Variants in ADAMTS19 observed in about 807,000 individuals in gnomAD.
The protein encoded by ADAMTS19 is ADAM metallopeptidase with thrombospondin type 1 motif 19.
In ADAMTS19, 93 loss-of-function variants were observed where a neutral mutation model predicts 153.3. That is an observed-to-expected ratio of 0.61 (90% CI 0.51 to 0.72). The LOEUF is 0.72. Among genes scored for constraint, ADAMTS19 ranks in the 30% least tolerant of loss-of-function variants. The pLI is 0.00. For synonymous variants in ADAMTS19, 600 were observed against 556.6 expected, an observed-to-expected ratio of 1.08 and a Z score of -1.10; for missense variants, 1,482 against 1,552.1, an observed-to-expected ratio of 0.95 and a Z score of 0.76.
At chr5:129,545,212 T>C (rs1352758454) in intron 6 of ADAMTS19, among the ~76,000 whole-genome samples, 3 of 152,176 alleles carry the variant, frequency 2.0e-5, no homozygotes, top group African/African-American at 7.2e-5. Flanking sequence ...AACAGTTGAT[T>C]TGAAAACTGA....
At chr5:129,679,647 A>G in intron 16 of ADAMTS19, 117 bp from the exon 17 acceptor site, 1 of 921,914 alleles carries the variant, frequency 1.1e-6, no homozygotes, top group African/African-American at 1.7e-5. Flanking sequence ...ACATCAGGGA[A>G]TGTTGATCCA....
At chr5:129,642,946 G>C (rs572783499) in intron 11 of ADAMTS19, among the ~76,000 whole-genome samples, 71 of 152,204 alleles carry the variant, frequency 4.7e-4, no homozygotes, top group African/African-American at 1.7e-3. Context: ...GATGCAGTTT[G>C]TAATGGTGAG....
At chr5:129,658,786 G>C in intron 15 of ADAMTS19, 49 bp downstream of exon 15, 1 of 1,532,046 alleles carries the variant, frequency 6.5e-7, no homozygotes, top group Non-Finnish European at 8.8e-7. Context: ...CAATCTTTGG[G>C]AACACAGATT....
rs1752067444 is a variant in ADAMTS19, at chr5:129,527,775, C to T, written c.1114C>T (p.Leu372=). 6.3e-7 allele frequency: 1 copy of T among 1,593,248 alleles called. No individual in the cohort carries two copies. Among genetic ancestry groups the T allele is most frequent in the Non-Finnish European group, 8.6e-7 (1 of 1,164,824 alleles). ...MVFNLFQHKS[L]SVQVNLRVIK... ...ATTTAACCTTTTCCAACACAAGAGT[C>T]TGAGTGTGCAGGTCAATCTTCGTGT... The change falls in exon 5 of 23, where the codon CTG becomes TTG. Residue 372 remains leucine (L), a synonymous_variant. Transcript: ENST00000274487.
At chr5:129,570,472 T>G (rs1020604047) in intron 7 of ADAMTS19, among the ~76,000 whole-genome samples, 1 of 151,836 alleles carries the variant, frequency 6.6e-6, no homozygotes. Context: ...CTAGGATGTT[T>G]CATTAGTAAA....
At chr5:129,619,120 T>G (rs1020641485) in intron 8 of ADAMTS19, among the ~76,000 whole-genome samples, 1 of 151,968 alleles carries the variant, frequency 6.6e-6, no homozygotes, top group Non-Finnish European at 1.5e-5. Flanking sequence ...TTAATGTTGA[T>G]GATTAAGTAG....
intron 2 of ADAMTS19, among the ~76,000 whole-genome samples, chr5:129,496,962 G>A (rs557212880): frequency 1.3e-5 from 2 of 152,050 alleles, no homozygotes; most frequent in African/African-American, 2.4e-5. Context: ...AAGAAGCCAC[G>A]TTGTTATGAC....
intron 21 of ADAMTS19, among the ~76,000 whole-genome samples, chr5:129,731,744 G>T (rs896743607): frequency 1.3e-5 from 2 of 151,846 alleles, no homozygotes; most frequent in African/African-American, 4.8e-5. Context: ...GGAAAATACA[G>T]GGGAAAAAAG....
chr5:129,576,296 T>G (rs1754098538), intron 7 of ADAMTS19, among the ~76,000 whole-genome samples: 2 of 152,010 alleles, frequency 1.3e-5, no homozygotes, highest in Non-Finnish European at 2.9e-5. Context: ...ATCTTCTTCC[T>G]CCTGTACCAT....
intron 3 of ADAMTS19, among the ~76,000 whole-genome samples, chr5:129,521,596 C>G (rs925092986): frequency 1.3e-5 from 2 of 152,058 alleles, no homozygotes; most frequent in African/African-American, 4.8e-5. Flanking sequence ...GTTTAACATC[C>G]CCCAGAAATG....
chr5:129,665,739 T>C (rs1326164030), intron 16 of ADAMTS19, among the ~76,000 whole-genome samples, 160 bp downstream of exon 16: 1 of 152,008 alleles, frequency 6.6e-6, no homozygotes, highest in Non-Finnish European at 1.5e-5. Context: ...TTTCCTTCTC[T>C]CCCAAGGACT....
intron 7 of ADAMTS19, among the ~76,000 whole-genome samples, chr5:129,571,678 A>G (rs1753914196): frequency 6.6e-6 from 1 of 151,778 alleles, no homozygotes; most frequent in Non-Finnish European, 1.5e-5. Flanking sequence ...TGATTCTAAA[A>G]TTTATATGCA....
chr5:129,578,177 T>TGC, intron 7 of ADAMTS19, among the ~76,000 whole-genome samples: 2 of 65,456 alleles, frequency 3.1e-5, no homozygotes, highest in African/African-American at 9.9e-5. Flanking sequence ...CATATACCTA[T>TGC]ATGCATGTAT....
At chr5:129,680,761 C>CAA (rs529460608) in intron 17 of ADAMTS19, among the ~76,000 whole-genome samples, 1,103 of 90,674 alleles carry the variant, frequency 0.012, 13 homozygotes, top group Middle Eastern at 0.027. Flanking sequence ...GACTCTGTCT[C>CAA]AAAAAAAAAA....
Position 129,622,222 on chromosome 5 carries a change from A to G in ADAMTS19, c.1644A>G (p.Leu548=), listed in dbSNP as rs745528498. 13 of 1,614,128 alleles carry G rather than the reference A, an allele frequency of 8.1e-6. No homozygotes were observed. Among genetic ancestry groups the G allele is most frequent in the Admixed American group, 1.7e-5 (1 of 60,002 alleles). The stretch of plus-strand genomic sequence containing the variant: ...GGTCAAAGGCCAGTAACTGCTTGCT[A>G]CAAACAAATCCGCAGAGTGTCAATT... ...FLRSKASNCL[L]QTNPQSVNSV... The change falls in exon 10 of 23, where the codon CTA becomes CTG. Residue 548 remains leucine (L), a synonymous_variant. Coordinates refer to ENST00000274487, the MANE Select transcript of ADAMTS19 (RefSeq NM_133638.6).
rs1752807421 is a variant in ADAMTS19 at position 129,641,935 on chromosome 5, A to T, written c.1847A>T (p.Asp616Val). 1.2e-6 allele frequency: 2 copies of T among 1,600,672 alleles called. No homozygotes were observed. The highest frequency in any genetic ancestry group is 1.7e-6 in the Non-Finnish European group (2 of 1,172,122). ...ECRTKLDPPM[D>V]GTDCDLGKWC... Reference sequence around the variant, plus strand: ...AGAACCAAGCTAGACCCACCAATGGATGGAACTGACTGTGACCTTGGTAAG... The same window carrying T: ...AGAACCAAGCTAGACCCACCAATGGTTGGAACTGACTGTGACCTTGGTAAG... The change falls in exon 11 of 23, where the codon GAT becomes GTT. Residue 616 changes from aspartate (D) to valine (V), a missense_variant. Coordinates refer to ENST00000274487, the MANE Select transcript of ADAMTS19 (RefSeq NM_133638.6).
At chr5:129,538,155 T>C (rs1301627149) in intron 6 of ADAMTS19, among the ~76,000 whole-genome samples, 1 of 152,092 alleles carries the variant, frequency 6.6e-6, no homozygotes, top group Non-Finnish European at 1.5e-5. Flanking sequence ...ATTACTGATT[T>C]ATAATTTTCT....
intron 6 of ADAMTS19, among the ~76,000 whole-genome samples, chr5:129,547,380 G>A (rs77086107): frequency 1.3e-5 from 2 of 150,626 alleles, no homozygotes; most frequent in Non-Finnish European, 2.9e-5. Flanking sequence ...TTCAAAATTC[G>A]GGCCTTCAGA....
At chr5:129,522,982 G>C (rs901947961) in intron 3 of ADAMTS19, among the ~76,000 whole-genome samples, 3 of 151,414 alleles carry the variant, frequency 2.0e-5, no homozygotes, top group African/African-American at 7.3e-5. Flanking sequence ...CGAGAACCCA[G>C]AGGCAGAGGT....
Sources: allele counts gnomAD v4.1 joint callset (sites outside exome capture counted in the v4.1 genomes callset), GRCh38; gene constraint gnomAD v4.1.1; transcripts MANE v1.5; gene names NCBI Gene and HGNC (gene_info 2026-07-23, HGNC 2026-07-21).